Variants in GFPT2 observed in about 807,000 individuals in gnomAD.
The protein encoded by GFPT2 is glutamine--fructose-6-phosphate transaminase 2, also known as glutamine--fructose-6-phosphate aminotransferase [isomerizing] 2.
In GFPT2, 62 loss-of-function variants were observed where a neutral mutation model predicts 85.6. That is an observed-to-expected ratio of 0.72 (90% CI 0.59 to 0.90). The LOEUF is 0.90. Among genes scored for constraint, GFPT2 ranks in the 40% least tolerant of loss-of-function variants. GFPT2 has a pLI of 0.00. For synonymous variants in GFPT2, 368 were observed against 344.5 expected, an observed-to-expected ratio of 1.07 and a Z score of -0.75; for missense variants, 788 against 893.4, an observed-to-expected ratio of 0.88 and a Z score of 1.50.
intron 14 of GFPT2, among the ~76,000 whole-genome samples, chr5:180,313,566 G>C (rs995113404): frequency 6.6e-6 from 1 of 151,372 alleles, no homozygotes; most frequent in African/African-American, 2.4e-5. Context: ...CTCCAGCCTG[G>C]GCGACAGAGT....
rs750045971 is a variant in GFPT2, at chr5:180,323,919, C to T, written c.794+269G>A. 6.6e-6 allele frequency among the ~76,000 whole-genome samples: 1 copy of T among 152,254 alleles called. No individual in the cohort carries two copies. The highest frequency in any genetic ancestry group is 1.5e-5 in the Non-Finnish European group (1 of 68,050). Reference sequence around the variant, plus strand: ...TCTCCAAATTTTACAACATTGGCAACTAACCCATTCATTTTGTGCAGGCTC... The same window carrying T: ...TCTCCAAATTTTACAACATTGGCAATTAACCCATTCATTTTGTGCAGGCTC... On this transcript the variant is annotated intron_variant, in intron 9 of 18. Coordinates refer to ENST00000253778, the MANE Select transcript of GFPT2 (RefSeq NM_005110.4). The surrounding 1 kb of genome is among the most constrained non-coding windows in gnomAD (Gnocchi z 4.0).
rs567143175 is a variant in GFPT2, at chr5:180,318,052, G to A, written c.958+741C>T. 6.6e-6 allele frequency among the ~76,000 whole-genome samples: 1 copy of A among 152,294 alleles called. No individual in the cohort carries two copies. Among genetic ancestry groups the A allele is most frequent in the South Asian group, 2.1e-4 (1 of 4,828 alleles). ...TGGCCACCATAGGGGAGGGGCTGGGGAGGGACCATGGCAGACACAGGAGCA... is the reference window on the plus strand; with the variant it reads ...TGGCCACCATAGGGGAGGGGCTGGGAAGGGACCATGGCAGACACAGGAGCA... On this transcript the variant is annotated intron_variant, in intron 10 of 18. Transcript: ENST00000253778. This position sits in a 1 kb window ranked among gnomAD's most constrained non-coding sequence, Gnocchi z 4.2.
chr5:180,316,834 A>G lies in GFPT2; in HGVS notation c.1082T>C (p.Leu361Ser), dbSNP rs756086184. ...TVLLGGLKDH[L>S]KEIRRCRRLI... Reference sequence around the variant, plus strand: ...CCGTCGGCATCGTCGAATCTCCTTCAAGTGGTCCTTCAAGCCACCCAGGAG... The same window carrying G: ...CCGTCGGCATCGTCGAATCTCCTTCGAGTGGTCCTTCAAGCCACCCAGGAG... The change falls in exon 12 of 19, where the codon TTG (leucine) becomes TCG (serine). Residue 361 changes from leucine to serine, a missense_variant. By Grantham distance (145) the Leu-to-Ser change is moderately radical. Transcript: ENST00000253778. 6.2e-7 allele frequency: 1 copy of G among 1,614,026 alleles called. No homozygotes were observed. The highest frequency in any genetic ancestry group is 8.5e-7 in the Non-Finnish European group (1 of 1,179,902).
At chr5:180,307,886 G>C (rs1763810195) in intron 15 of GFPT2, among the ~76,000 whole-genome samples, 1 of 152,226 alleles carries the variant, frequency 6.6e-6, no homozygotes, top group African/African-American at 2.4e-5. Context: ...GCCGAGGCGG[G>C]TGGATCATGA....
chr5:180,326,481 C>G (rs974574019), intron 7 of GFPT2, among the ~76,000 whole-genome samples: 3 of 152,114 alleles, frequency 2.0e-5, no homozygotes, highest in Admixed American at 6.6e-5. Context: ...CAATGCAGTT[C>G]CTAAATTTTT....
intron 1 of GFPT2, among the ~76,000 whole-genome samples, chr5:180,346,608 C>G (rs1329938142): frequency 6.6e-6 from 1 of 152,254 alleles, no homozygotes; most frequent in Non-Finnish European, 1.5e-5. Flanking sequence ...CCCCATGCCA[C>G]CCTGCAGCTT....
intron 1 of GFPT2, among the ~76,000 whole-genome samples, chr5:180,346,687 CTA>C (rs933926997): frequency 3.3e-5 from 5 of 152,230 alleles, no homozygotes; most frequent in Admixed American, 3.3e-4. Flanking sequence ...GCCCCCAGGC[CTA>C]TGCACATGTG....
At chr5:180,344,931 G>A (rs1764578984) in intron 1 of GFPT2, among the ~76,000 whole-genome samples, 1 of 152,216 alleles carries the variant, frequency 6.6e-6, no homozygotes, top group Non-Finnish European at 1.5e-5. Flanking sequence ...CCACCCGCCT[G>A]GGTTGGCTTC....
chr5:180,335,113 C>T (rs1764370806), intron 4 of GFPT2, among the ~76,000 whole-genome samples: 2 of 152,216 alleles, frequency 1.3e-5, no homozygotes, highest in Admixed American at 6.5e-5. Context: ...GGCCCTCTGC[C>T]AATCTGTGGT....
At position 180,318,965 on chromosome 5, in the gene GFPT2, A is replaced by C. The variant is rs1174248080; in HGVS notation, c.795-9T>G. Reference sequence around the variant, plus strand: ...TGTGCTCTATGATAGCGCTGGGGCAAGGGAAACAGGCATCATCAGTGCCCT... The same window carrying C: ...TGTGCTCTATGATAGCGCTGGGGCACGGGAAACAGGCATCATCAGTGCCCT... On this transcript the variant is annotated splice_polypyrimidine_tract_variant and intron_variant, in intron 9 of 18. Coordinates refer to ENST00000253778, the MANE Select transcript of GFPT2 (RefSeq NM_005110.4). This position sits in a 1 kb window ranked among gnomAD's most constrained non-coding sequence, Gnocchi z 4.2. 9 of 1,610,798 alleles carry C rather than the reference A, an allele frequency of 5.6e-6. No individual in the cohort carries two copies. The highest frequency in any genetic ancestry group is 6.8e-6 in the Non-Finnish European group (8 of 1,179,688).
chr5:180,338,702 C>T (rs1269210298), intron 1 of GFPT2, 102 bp from the exon 2 acceptor site: 2 of 682,392 alleles, frequency 2.9e-6, no homozygotes, highest in Non-Finnish European at 5.2e-6. Context: ...CAAAGGTCTC[C>T]CAGGGGCTTG....
chr5:180,314,105 G>T, intron 13 of GFPT2, 141 bp from the exon 14 acceptor site: 1 of 722,340 alleles, frequency 1.4e-6, no homozygotes, highest in East Asian at 2.9e-5. Context: ...GAAAACGCTC[G>T]CTCAACAGCC....
At chr5:180,347,498 G>C (rs377143274) in intron 1 of GFPT2, among the ~76,000 whole-genome samples, 1 of 152,214 alleles carries the variant, frequency 6.6e-6, no homozygotes, top group Non-Finnish European at 1.5e-5. Context: ...AAAAACTCAA[G>C]GGGATTCCAG....
intron 1 of GFPT2, among the ~76,000 whole-genome samples, chr5:180,338,847 G>A (rs1484563713): frequency 1.3e-5 from 2 of 152,208 alleles, no homozygotes; most frequent in African/African-American, 4.8e-5. Context: ...CTTATCCTAT[G>A]CTGTACTTGC....
Position 180,324,622 on chromosome 5 carries a change from T to C in GFPT2, c.676+194A>G, listed in dbSNP as rs1375479718. The C allele has an allele frequency of 6.7e-6, 4 of 596,900 alleles. No individual in the cohort carries two copies. In the Admixed American group the frequency reaches 9.1e-5, roughly 14 times the overall value. 37.0% of individuals were successfully genotyped at this position (596,900 alleles called of 1,614,324 possible). ...CAAAATCATGATAAATTCATGTCCA[T>C]GATAAAAAGCTTAAAAAAAATGGAG... On this transcript the variant is annotated intron_variant, in intron 8 of 18. Transcript: ENST00000253778.
rs2127653964 is a variant in GFPT2, at chr5:180,330,997, C to T, written c.400-163G>A. ...TGTTTGCCAGCATCACAGCCAAATA[C>T]CTCTGAGTCACTCCCGGAGGCCCTG... On this transcript the variant is annotated intron_variant, in intron 5 of 18. Transcript: ENST00000253778. The surrounding 1 kb of genome is among the most constrained non-coding windows in gnomAD (Gnocchi z 4.4). 4.8e-6 allele frequency: 3 copies of T among 630,628 alleles called. No individual in the cohort carries two copies. The highest frequency in any genetic ancestry group is 4.1e-5 in the South Asian group (2 of 48,938). The allele number at this position is 630,628 out of a possible 1,614,324, so 39.1% of individuals were successfully genotyped here. A position where few individuals can be genotyped will look rare whatever the true frequency, so the allele number is the denominator to read the frequency against.
chr5:180,314,234 C>T (rs992769151), intron 13 of GFPT2, among the ~76,000 whole-genome samples: 2 of 152,196 alleles, frequency 1.3e-5, no homozygotes, highest in African/African-American at 4.8e-5. Context: ...AGGATGAGGG[C>T]TCAGAGACAG....
intron 18 of GFPT2, among the ~76,000 whole-genome samples, chr5:180,302,103 C>T (rs1054863924): frequency 2.2e-4 from 19 of 88,350 alleles, no homozygotes; most frequent in Non-Finnish European, 3.1e-4. Flanking sequence ...CTGGCTAACA[C>T]GGTGAAACCC....
At chr5:180,309,729 C>T (rs934411450) in intron 15 of GFPT2, among the ~76,000 whole-genome samples, 1 of 151,774 alleles carries the variant, frequency 6.6e-6, no homozygotes, top group Non-Finnish European at 1.5e-5. Context: ...AAAGGCGCTA[C>T]GTGTACTCCC....
Sources: gnomAD v4.1 joint callset for allele counts (sites outside exome capture counted in the v4.1 genomes callset) on GRCh38, gnomAD v4.1.1 for gene constraint, Gnocchi (gnomAD v3.1) non-coding constraint, MANE v1.5 for transcripts, NCBI Gene and HGNC (gene_info 2026-07-23, HGNC 2026-07-21) for gene names.